MAD1L1: variants seen among roughly 807,000 people sequenced by gnomAD.
MAD1L1 encodes mitotic spindle assembly checkpoint protein MAD1.
Under a neutral mutation model 96.9 loss-of-function variants are expected in MAD1L1, and 95 were observed. The observed-to-expected ratio is 0.98, with a 90% CI of 0.83 to 1.16. The LOEUF is 1.16. Among genes scored for constraint, MAD1L1 ranks in the 50% most tolerant of loss-of-function variants. MAD1L1 has a pLI of 0.00. For missense variants in MAD1L1, 1,007 were observed against 954.4 expected (o/e 1.06, Z -0.73); for synonymous variants, 473 against 396.6 (o/e 1.19, Z -2.29).
At position 2,215,934 on chromosome 7, in the gene MAD1L1, C is replaced by T. The variant is rs186655078; in HGVS notation, c.875G>A (p.Arg292His). ...CAGCGTCTCCTGCATCTTCTCCTGG[C>T]GCCCCAGCTTCCTCTGCAGCCCTTC... is the stretch of plus-strand genomic sequence containing the variant. Reference protein sequence around the residue: ...ELEGLQRKLGRQEKMQETLVG... With the variant: ...ELEGLQRKLGHQEKMQETLVG... The change falls in exon 9 of 19, where the codon CGC (arginine) becomes CAC (histidine). Residue 292 changes from arginine to histidine, a missense_variant. Physicochemically the swap from Arg to His is conservative, Grantham distance 29 (BLOSUM62 0). Transcript: ENST00000265854. The T allele has an allele frequency of 1.4e-4, 234 of 1,614,202 alleles. 1 individual carries two copies. The highest frequency in any genetic ancestry group is 1.8e-4 in the Non-Finnish European group (217 of 1,180,036).
chr7:2,048,867 G>T (rs1222420226), intron 12 of MAD1L1, among the ~76,000 whole-genome samples: 1 of 152,240 alleles, frequency 6.6e-6, no homozygotes, highest in Non-Finnish European at 1.5e-5. Flanking sequence ...TCGAGGCGAA[G>T]AGCTGTGCCG....
At chr7:1,891,631 G>A (rs1246514402) in intron 18 of MAD1L1, among the ~76,000 whole-genome samples, 2 of 152,184 alleles carry the variant, frequency 1.3e-5, no homozygotes, top group Admixed American at 6.5e-5. Context: ...AGGCTAGAGT[G>A]CGGTGGCGCG....
intron 18 of MAD1L1, among the ~76,000 whole-genome samples, chr7:1,867,361 G>A (rs997967545): frequency 7.2e-5 from 11 of 152,184 alleles, no homozygotes; most frequent in Admixed American, 6.5e-5. Flanking sequence ...GGAAGATGTA[G>A]AGGAGAGAAG....
chr7:1,818,276 T>C (rs913367085), intron 18 of MAD1L1, among the ~76,000 whole-genome samples: 2 of 152,132 alleles, frequency 1.3e-5, no homozygotes, highest in Non-Finnish European at 2.9e-5. Flanking sequence ...CCTGACGCAC[T>C]GTGGTGCAGA....
At chr7:1,850,447 G>A (rs1783906168) in intron 18 of MAD1L1, among the ~76,000 whole-genome samples, 1 of 152,358 alleles carries the variant, frequency 6.6e-6, no homozygotes, top group East Asian at 1.9e-4. Context: ...TACACTGGCT[G>A]TGGGGCCCAG....
At chr7:2,225,341 C>T (rs1340775162) in intron 4 of MAD1L1, 69 bp downstream of exon 4, 6 of 1,559,052 alleles carry the variant, frequency 3.8e-6, no homozygotes, top group Non-Finnish European at 5.3e-6. Context: ...TATAACCTGG[C>T]AGGTACCGTG....
intron 11 of MAD1L1, among the ~76,000 whole-genome samples, chr7:2,102,418 C>T (rs1275438383): frequency 6.6e-6 from 1 of 151,092 alleles, no homozygotes; most frequent in Non-Finnish European, 1.5e-5. Flanking sequence ...ACCATGTCAC[C>T]ATCACCACTG....
intron 18 of MAD1L1, among the ~76,000 whole-genome samples, chr7:1,843,256 C>T (rs1783383818): frequency 6.6e-6 from 1 of 152,228 alleles, no homozygotes; most frequent in Non-Finnish European, 1.5e-5. Flanking sequence ...TCTCTGTCTT[C>T]CTGGGCCTTA....
chr7:2,060,321 G>C lies in MAD1L1; in HGVS notation c.1218+8873C>G, dbSNP rs944663492. 1.5e-4 allele frequency among the ~76,000 whole-genome samples: 23 copies of C among 149,174 alleles called. No homozygotes were observed. In the East Asian group the frequency reaches 1.6e-3, roughly 10 times the overall value. ...TACGCCGATCCCGAGATACGCCGATGCTGAGATACGCCAATGCCAAGATGT... is the reference window on the plus strand; with the variant it reads ...TACGCCGATCCCGAGATACGCCGATCCTGAGATACGCCAATGCCAAGATGT... On this transcript the variant is annotated intron_variant, in intron 12 of 18. Transcript: ENST00000265854.
At chr7:2,111,455 C>T (rs1429592667) in intron 11 of MAD1L1, among the ~76,000 whole-genome samples, 1 of 152,112 alleles carries the variant, frequency 6.6e-6, no homozygotes, top group Non-Finnish European at 1.5e-5. Flanking sequence ...CTAAAGTCAC[C>T]GGAGAACAGA....
chr7:2,219,390 C>A lies in MAD1L1; in HGVS notation c.538G>T (p.Val180Leu). Reference protein sequence around the residue: ...QWSVMDQEMRVKRLESEKQEL... With the variant: ...QWSVMDQEMRLKRLESEKQEL... ...TGCTTCTCCGACTCCAGGCGCTTCACCCGCATCTCCTGGTCCATCACGCTC... is the reference window on the plus strand; with the variant it reads ...TGCTTCTCCGACTCCAGGCGCTTCAACCGCATCTCCTGGTCCATCACGCTC... Residue 180 changes from valine to leucine, a missense_variant, in exon 6 of 19, where the codon GTG (valine) becomes TTG (leucine). Val to Leu is a conservative substitution (Grantham distance 32). Transcript: ENST00000265854. 6.2e-7 allele frequency: 1 copy of A among 1,610,776 alleles called. No individual in the cohort carries two copies. Among genetic ancestry groups the A allele is most frequent in the Non-Finnish European group, 8.5e-7 (1 of 1,178,590 alleles).
At chr7:1,821,584 C>G (rs1287043957) in intron 18 of MAD1L1, among the ~76,000 whole-genome samples, 1 of 152,056 alleles carries the variant, frequency 6.6e-6, no homozygotes, top group Non-Finnish European at 1.5e-5. Context: ...AGTATCACAC[C>G]CTGACCAAGT....
chr7:2,173,978 A>G (rs1790831784), intron 10 of MAD1L1, among the ~76,000 whole-genome samples: 1 of 151,948 alleles, frequency 6.6e-6, no homozygotes, highest in African/African-American at 2.4e-5. Context: ...TGCTGCTGCT[A>G]TTGTTGCTGT....
At chr7:2,053,212 C>T (rs1161688846) in intron 12 of MAD1L1, among the ~76,000 whole-genome samples, 1 of 152,212 alleles carries the variant, frequency 6.6e-6, no homozygotes, top group Non-Finnish European at 1.5e-5. Context: ...GGATCTGCTA[C>T]CTGGTAGCAG....
At chr7:1,938,732 C>T (rs1562542133) in intron 16 of MAD1L1, among the ~76,000 whole-genome samples, 1 of 147,842 alleles carries the variant, frequency 6.8e-6, no homozygotes, top group African/African-American at 2.5e-5. Context: ...AGGGCTGGGG[C>T]CAGAGGCGCG....
intron 10 of MAD1L1, among the ~76,000 whole-genome samples, chr7:2,174,670 G>A (rs1314446644): frequency 6.6e-6 from 1 of 151,976 alleles, no homozygotes; most frequent in Non-Finnish European, 1.5e-5. Flanking sequence ...ATCTGTTCAT[G>A]TAGTTTTAAC....
At chr7:2,162,492 T>C (rs968550886) in intron 10 of MAD1L1, among the ~76,000 whole-genome samples, 5 of 151,922 alleles carry the variant, frequency 3.3e-5, no homozygotes, top group Non-Finnish European at 7.4e-5. Context: ...CCAGAGACCT[T>C]TGTTCACGTG....
intron 11 of MAD1L1, among the ~76,000 whole-genome samples, chr7:2,135,072 C>G (rs2128570786): frequency 6.6e-6 from 1 of 152,342 alleles, no homozygotes; most frequent in Non-Finnish European, 1.5e-5. Context: ...ACAATCTAAT[C>G]AGAATTTTGA....
At chr7:1,888,110 T>C (rs1438325451) in intron 18 of MAD1L1, among the ~76,000 whole-genome samples, 1 of 148,880 alleles carries the variant, frequency 6.7e-6, no homozygotes, top group Non-Finnish European at 1.5e-5. Flanking sequence ...GGGCTGCCTG[T>C]GCCTGTGTGT....
Sources: gnomAD v4.1 joint callset for allele counts (sites outside exome capture counted in the v4.1 genomes callset) on GRCh38, gnomAD v4.1.1 for gene constraint, MANE v1.5 for transcripts, NCBI Gene and HGNC (gene_info 2026-07-23, HGNC 2026-07-21) for gene names.